The following DENND2B variants were observed in gnomAD, a reference collection of about 807,000 sequenced individuals.
DENND2B encodes DENN domain containing 2B.
A neutral mutation model predicts 116.0 loss-of-function variants in DENND2B; 32 were observed. That is an observed-to-expected ratio of 0.28 (90% CI 0.21 to 0.37). The LOEUF is 0.37. Among genes scored for constraint, DENND2B ranks in the 10% least tolerant of loss-of-function variants. The pLI is 1.00. For missense variants in DENND2B, 1,276 were observed against 1,477.7 expected (o/e 0.86, Z 2.24); for synonymous variants, 588 against 583.9 (o/e 1.01, Z -0.10).
intron 1 of DENND2B, among the ~76,000 whole-genome samples, chr11:8,759,646 G>GAAA (rs905863547): frequency 2.6e-5 from 4 of 152,226 alleles, no homozygotes; most frequent in Admixed American, 2.6e-4. Context: ...TGAGAGCCAG[G>GAAA]AAAGGGCCAG....
intron 3 of DENND2B, among the ~76,000 whole-genome samples, chr11:8,855,902 AAC>A: frequency 6.6e-6 from 1 of 152,322 alleles, no homozygotes; most frequent in Non-Finnish European, 1.5e-5. Context: ...AATCCCAGCA[AAC>A]TAGACAGCTG....
intron 1 of DENND2B, among the ~76,000 whole-genome samples, chr11:8,890,268 T>C (rs952958657): frequency 1.3e-5 from 2 of 151,842 alleles, no homozygotes; most frequent in African/African-American, 4.8e-5. Flanking sequence ...AGACCAAAGG[T>C]AGATAAAACC....
intron 8 of DENND2B, among the ~76,000 whole-genome samples, chr11:8,713,095 C>CTACATG (rs1269861059): frequency 1.1e-5 from 1 of 88,584 alleles, no homozygotes; most frequent in Non-Finnish European, 2.4e-5. Flanking sequence ...CCTTGGGCCC[C>CTACATG]TAGCAGGACA....
intron 4 of DENND2B, among the ~76,000 whole-genome samples, chr11:8,820,026 A>C (rs2061705004): frequency 6.6e-6 from 1 of 152,260 alleles, no homozygotes; most frequent in South Asian, 2.1e-4. Context: ...TAAGTAAATA[A>C]AAGTATATAC....
At chr11:8,894,851 A>G (rs2064079891) in intron 1 of DENND2B, among the ~76,000 whole-genome samples, 1 of 152,202 alleles carries the variant, frequency 6.6e-6, no homozygotes, top group Non-Finnish European at 1.5e-5. Flanking sequence ...CAATTCCTCA[A>G]GGATCCAGAA....
Position 8,726,171 on chromosome 11 carries a change from G to A in DENND2B, c.1379C>T (p.Ser460Phe). The A allele has an allele frequency of 6.2e-7, 1 of 1,613,210 alleles. No homozygotes were observed. Among genetic ancestry groups the A allele is most frequent in the Non-Finnish European group, 8.5e-7 (1 of 1,179,702 alleles). ...CTCAGTGGGAGAAGAGGGGTACAGG[G>A]ACTGGAGACTGGATGCATCCTCAAA... ...FEFEDASSLQ[S>F]LYPSSPTENG... The change falls in exon 4 of 20, where the codon TCC (serine) becomes TTC (phenylalanine). Residue 460 changes from serine to phenylalanine, a missense_variant. By Grantham distance (155) the Ser-to-Phe change is radical. This residue lies in a region of DENND2B where 856 missense variants were observed against 846.6 expected (regional missense o/e 1.01). Transcript: ENST00000313726.
chr11:8,733,073 T>C (rs2048375094), intron 2 of DENND2B, among the ~76,000 whole-genome samples: 1 of 152,200 alleles, frequency 6.6e-6, no homozygotes, highest in African/African-American at 2.4e-5. Flanking sequence ...ACAAGAGCCA[T>C]CCCATGTGTA....
At chr11:8,841,239 T>C (rs374775567) in intron 3 of DENND2B, among the ~76,000 whole-genome samples, 13 of 152,292 alleles carry the variant, frequency 8.5e-5, no homozygotes, top group Middle Eastern at 3.4e-3. Context: ...GTTGTGAAGA[T>C]GATAATAGAT....
At chr11:8,828,954 G>A (rs1050636467) in intron 4 of DENND2B, among the ~76,000 whole-genome samples, 2 of 150,844 alleles carry the variant, frequency 1.3e-5, no homozygotes, top group Admixed American at 6.6e-5. Context: ...TGTGTGTGTG[G>A]GGTGTGTGTG....
At chr11:8,904,351 A>G (rs1011809038) in intron 1 of DENND2B, among the ~76,000 whole-genome samples, 4 of 152,230 alleles carry the variant, frequency 2.6e-5, no homozygotes, top group African/African-American at 9.6e-5. Flanking sequence ...AACTTTCACT[A>G]AACCAGGAAT....
At chr11:8,778,567 G>A (rs2058000531) in intron 1 of DENND2B, among the ~76,000 whole-genome samples, 1 of 152,208 alleles carries the variant, frequency 6.6e-6, no homozygotes, top group African/African-American at 2.4e-5. Context: ...TCTGCCAATT[G>A]GCTTGCTGCT....
chr11:8,801,907 G>A (rs544340470), intron 1 of DENND2B, among the ~76,000 whole-genome samples: 7 of 149,688 alleles, frequency 4.7e-5, no homozygotes, highest in African/African-American at 1.5e-4. Context: ...TGGGAGGATC[G>A]CTTGAGCCAG....
chr11:8,749,440 T>C (rs2051930019), intron 2 of DENND2B, among the ~76,000 whole-genome samples: 1 of 152,210 alleles, frequency 6.6e-6, no homozygotes, highest in Non-Finnish European at 1.5e-5. Context: ...CCCAGGATCT[T>C]ACGTACTTAA....
intron 1 of DENND2B, among the ~76,000 whole-genome samples, chr11:8,909,445 G>A (rs540694895): frequency 0.086 from 3,073 of 35,938 alleles, 45 homozygotes; most frequent in Middle Eastern, 0.21. Flanking sequence ...GAGGAAGAAG[G>A]AGAAGGAGAA....
intron 2 of DENND2B, among the ~76,000 whole-genome samples, chr11:8,743,114 TTGAG>T (rs2050522804): frequency 2.0e-5 from 3 of 152,088 alleles, no homozygotes; most frequent in East Asian, 3.9e-4. Flanking sequence ...GATGGTTTTA[TTGAG>T]TATGTGTGTG....
chr11:8,870,169 G>C (rs2063727067), intron 2 of DENND2B, among the ~76,000 whole-genome samples: 1 of 152,120 alleles, frequency 6.6e-6, no homozygotes, highest in Non-Finnish European at 1.5e-5. Flanking sequence ...GCTGGACTAA[G>C]GCTGTACTAA....
intron 3 of DENND2B, among the ~76,000 whole-genome samples, chr11:8,849,384 T>A (rs2062924509): frequency 6.8e-6 from 1 of 148,004 alleles, no homozygotes; most frequent in Non-Finnish European, 1.5e-5. Flanking sequence ...TCCCAGCTAC[T>A]CAGGAGGCTG....
intron 4 of DENND2B, among the ~76,000 whole-genome samples, chr11:8,823,963 C>T (rs572064173): frequency 4.6e-4 from 67 of 146,494 alleles, no homozygotes; most frequent in African/African-American, 1.5e-3. Flanking sequence ...AGTGCAGTGG[C>T]GTGATCTCAG....
At chr11:8,743,753 C>CT (rs1166521176) in intron 2 of DENND2B, among the ~76,000 whole-genome samples, 115 of 144,164 alleles carry the variant, frequency 8.0e-4, no homozygotes, top group Admixed American at 7.0e-4. Flanking sequence ...TTATCTCTTC[C>CT]TTTTTTTTTT....
Sources: gnomAD v4.1 joint callset for allele counts (sites outside exome capture counted in the v4.1 genomes callset) on GRCh38, gnomAD v4.1.1 for gene constraint, gnomAD v4.1.1 regional missense constraint, MANE v1.5 for transcripts, NCBI Gene and HGNC (gene_info 2026-07-23, HGNC 2026-07-21) for gene names.